The following MAF variants were observed in gnomAD, a reference collection of about 807,000 sequenced individuals.
MAF encodes MAF bZIP transcription factor.
Under a neutral mutation model 22.0 loss-of-function variants are expected in MAF, and 10 were observed. The observed-to-expected ratio is 0.45, with a 90% CI of 0.28 to 0.77. The LOEUF (loss-of-function observed/expected upper bound fraction) is 0.77. Ranked by LOEUF, MAF falls within the 30% of genes least tolerant of loss-of-function variation. The probability of loss-of-function intolerance (pLI) is 0.12; values close to 1 mark genes in which losing one functional copy is unlikely to be tolerated. For missense variants in MAF, 544 were observed against 548.4 expected, an observed-to-expected ratio of 0.99 and a Z score of 0.08; for synonymous variants, 337 against 255.8, an observed-to-expected ratio of 1.32 and a Z score of -3.03.
the MAF span, among the ~76,000 whole-genome samples, chr16:79,388,996 G>A: frequency 3.9e-5 from 6 of 152,266 alleles, no homozygotes; most frequent in African/African-American, 1.4e-4. Flanking sequence ...CTTATGATGT[G>A]TTTCCAGGGC....
the MAF span, among the ~76,000 whole-genome samples, chr16:79,325,767 C>A: frequency 6.6e-6 from 1 of 152,234 alleles, no homozygotes; most frequent in African/African-American, 2.4e-5. Context: ...TCTTCACTAG[C>A]TTTTGTCTTA....
At chr16:79,281,024 AAGC>A in the MAF span, among the ~76,000 whole-genome samples, 1 of 152,190 alleles carries the variant, frequency 6.6e-6, no homozygotes, top group Non-Finnish European at 1.5e-5. Flanking sequence ...GCAGGTGAAA[AAGC>A]AGCAAGAGAC....
At chr16:79,242,387 A>G in the MAF span, among the ~76,000 whole-genome samples, 1 of 151,686 alleles carries the variant, frequency 6.6e-6, no homozygotes, top group African/African-American at 2.4e-5. Flanking sequence ...GAAAAAAAAA[A>G]GCAGGGGTTG....
the MAF span, among the ~76,000 whole-genome samples, chr16:79,284,000 G>C: frequency 4.0e-5 from 1 of 24,778 alleles, no homozygotes; most frequent in African/African-American, 1.3e-4. Flanking sequence ...AAGCCCCATA[G>C]TAGTGATTGA....
the MAF span, among the ~76,000 whole-genome samples, chr16:79,210,877 A>AACTT: frequency 4.6e-5 from 7 of 152,320 alleles, no homozygotes; most frequent in African/African-American, 1.4e-4. Context: ...CACTCTTTGC[A>AACTT]ACTTACATTT....
chr16:79,248,035 C>T, the MAF span, among the ~76,000 whole-genome samples: 6 of 152,194 alleles, frequency 3.9e-5, no homozygotes, highest in Admixed American at 3.3e-4. Context: ...ACTCCTAACA[C>T]ATAACAGTCT....
chr16:79,582,249 G>C (rs1360086531), downstream of MAF, among the ~76,000 whole-genome samples: 1 of 152,186 alleles, frequency 6.6e-6, no homozygotes, highest in East Asian at 1.9e-4. Context: ...AGCAGGTGAA[G>C]GGAGTTTAAA....
chr16:79,413,409 A>AT, the MAF span, among the ~76,000 whole-genome samples: 1 of 99,042 alleles, frequency 1.0e-5, no homozygotes, highest in South Asian at 7.0e-4. Context: ...TCGCCCGGCT[A>AT]ATTTTTTTTT....
rs1369484595 is a variant in MAF at position 79,598,596 on chromosome 16, G to GTGTT, written c.1118+188_1118+189insAACA. The GTGTT allele has an allele frequency of 4.0e-6, 6 of 1,488,122 alleles. No homozygotes were observed. The African/African-American group carries it at 7.0e-5, about 17-fold the overall frequency. 92.2% of individuals were successfully genotyped at this position (1,488,122 alleles called of 1,614,324 possible). A position where few individuals can be genotyped will look rare whatever the true frequency, so the allele number is the denominator to read the frequency against. On this transcript the variant is annotated intron_variant, in intron 1 of 1. Transcript: ENST00000326043. ...CAGGGTGTGGGGTGTGTGTGTGTGT[G>GTGTT]TGTGTGTGTGTGTGGTGTGTGCGTG...
the MAF span, among the ~76,000 whole-genome samples, chr16:79,395,413 T>C: frequency 3.3e-5 from 5 of 152,174 alleles, no homozygotes; most frequent in South Asian, 8.3e-4. Flanking sequence ...AACCTCAGAA[T>C]ATAAGCTTAT....
chr16:79,391,440 C>T, the MAF span, among the ~76,000 whole-genome samples: 1 of 152,150 alleles, frequency 6.6e-6, no homozygotes, highest in Non-Finnish European at 1.5e-5. Context: ...CGAGAAGTGC[C>T]TGCTTGCCAT....
the MAF span, among the ~76,000 whole-genome samples, chr16:79,546,055 T>C: frequency 6.6e-6 from 1 of 151,922 alleles, no homozygotes; most frequent in African/African-American, 2.4e-5. Context: ...AAATAATAAA[T>C]TATAAAATAA....
the MAF span, among the ~76,000 whole-genome samples, chr16:79,559,881 G>T: frequency 6.6e-6 from 1 of 152,132 alleles, no homozygotes; most frequent in Non-Finnish European, 1.5e-5. Flanking sequence ...TTTTATTTGT[G>T]TTGTGTTGTG....
chr16:79,360,492 A>C, the MAF span, among the ~76,000 whole-genome samples: 1 of 152,278 alleles, frequency 6.6e-6, no homozygotes, highest in East Asian at 1.9e-4. Flanking sequence ...TCTCATCTGT[A>C]ACTTGCAGGT....
chr16:79,221,832 T>C, the MAF span, among the ~76,000 whole-genome samples: 2 of 152,194 alleles, frequency 1.3e-5, no homozygotes, highest in Admixed American at 1.3e-4. Context: ...GACTAATAGA[T>C]CTGTGAAGTT....
At chr16:79,572,386 G>C in the MAF span, among the ~76,000 whole-genome samples, 5 of 152,030 alleles carry the variant, frequency 3.3e-5, no homozygotes, top group African/African-American at 1.2e-4. Context: ...CAACACTTTT[G>C]GCTGTGACAA....
downstream of MAF, among the ~76,000 whole-genome samples, chr16:79,583,022 G>A (rs975134178): frequency 6.6e-6 from 1 of 152,158 alleles, no homozygotes; most frequent in Non-Finnish European, 1.5e-5. Context: ...GTTAAAATAT[G>A]TTGATGGGTT....
the MAF span, among the ~76,000 whole-genome samples, chr16:79,373,495 G>C: frequency 3.4e-5 from 5 of 146,256 alleles, no homozygotes; most frequent in African/African-American, 1.3e-4. Flanking sequence ...CGACTCTCCT[G>C]CCTCAGCCTC....
the MAF span, among the ~76,000 whole-genome samples, chr16:79,346,413 A>G: frequency 6.6e-6 from 1 of 152,116 alleles, no homozygotes; most frequent in African/African-American, 2.4e-5. Context: ...AAGGCCAAGA[A>G]TTGGCTACAA....
Sources: gnomAD v4.1 joint callset for allele counts (sites outside exome capture counted in the v4.1 genomes callset) on GRCh38, gnomAD v4.1.1 for gene constraint, MANE v1.5 for transcripts, NCBI Gene and HGNC (gene_info 2026-07-23, HGNC 2026-07-21) for gene names.